Variants in ARHGAP32 observed in about 807,000 individuals in gnomAD.
ARHGAP32 encodes rho GTPase-activating protein 32.
In ARHGAP32, 51 loss-of-function variants were observed where a neutral mutation model predicts 186.5. That is an observed-to-expected ratio of 0.27 (90% confidence interval 0.22 to 0.35). The LOEUF (loss-of-function observed/expected upper bound fraction) is 0.35. ARHGAP32 is among the 10% of genes least tolerant of loss of function. ARHGAP32 has a pLI of 1.00. For synonymous variants in ARHGAP32, 950 were observed against 964.3 expected, an observed-to-expected ratio of 0.99 and a Z score of 0.27; for missense variants, 2,186 against 2,623.5, an observed-to-expected ratio of 0.83 and a Z score of 3.64.
At chr11:129,189,511 C>G (rs893239898) in intron 1 of ARHGAP32, among the ~76,000 whole-genome samples, 2 of 152,014 alleles carry the variant, frequency 1.3e-5, no homozygotes, top group African/African-American at 4.8e-5. Flanking sequence ...CCTTATATTC[C>G]TCCTTCTTAT....
chr11:129,071,033 T>C (rs2135175891), intron 6 of ARHGAP32, among the ~76,000 whole-genome samples: 1 of 152,216 alleles, frequency 6.6e-6, no homozygotes, highest in East Asian at 1.9e-4. Flanking sequence ...AATCAAATTA[T>C]TTGATGGAAC....
chr11:129,201,811 T>G (rs955030398), intron 1 of ARHGAP32, among the ~76,000 whole-genome samples: 2 of 152,030 alleles, frequency 1.3e-5, no homozygotes, highest in African/African-American at 2.4e-5. Flanking sequence ...CAAGACTCCA[T>G]CTCTATAAAA....
At position 128,969,645 on chromosome 11, in the gene ARHGAP32, G is replaced by C; in HGVS notation, c.5568C>G (p.His1856Gln). 6.2e-7 allele frequency: 1 copy of C among 1,614,060 alleles called. No individual in the cohort carries two copies. The highest frequency in any genetic ancestry group is 8.5e-7 in the Non-Finnish European group (1 of 1,180,034). ...PEAEMDRAHH[H>Q]GGHGSTQPEK... is the part of the protein sequence containing the mutation. Reference sequence around the variant, plus strand: ...CCGGCTGCGTGCTACCATGGCCTCCGTGATGGTGGGCTCTGTCCATCTCTG... The same window carrying C: ...CCGGCTGCGTGCTACCATGGCCTCCCTGATGGTGGGCTCTGTCCATCTCTG... The change falls in exon 23 of 23, where the codon CAC becomes CAG. Residue 1856 changes from histidine (H) to glutamine (Q), a missense_variant. Physicochemically the swap from His to Gln is conservative, Grantham distance 24. This residue lies in a region of ARHGAP32 where 1,502 missense variants were observed against 1,570.0 expected (regional missense o/e 0.96). Transcript: ENST00000682385. The surrounding 1 kb of genome is among the most constrained non-coding windows in gnomAD (Gnocchi z 4.8).
At chr11:129,238,176 C>A (rs1944962609) in intron 1 of ARHGAP32, among the ~76,000 whole-genome samples, 1 of 152,140 alleles carries the variant, frequency 6.6e-6, no homozygotes. Flanking sequence ...AATCTGCCAT[C>A]CTAGAGACCA....
At chr11:128,996,799 G>T (rs4609615) in intron 12 of ARHGAP32, among the ~76,000 whole-genome samples, 150,627 of 150,898 alleles carry the variant, frequency 1, 75,178 homozygotes, top group Middle Eastern at 1. Context: ...TTTTTTTTTT[G>T]GAGACAAGGT....
At chr11:129,037,362 C>T (rs1364765455) in intron 11 of ARHGAP32, among the ~76,000 whole-genome samples, 2 of 150,580 alleles carry the variant, frequency 1.3e-5, no homozygotes, top group Non-Finnish European at 2.9e-5. Context: ...GGCACAGTGG[C>T]ACATGCCTGT....
At chr11:129,055,754 T>C (rs1031419789) in intron 10 of ARHGAP32, among the ~76,000 whole-genome samples, 10 of 152,134 alleles carry the variant, frequency 6.6e-5, no homozygotes, top group Admixed American at 6.5e-4. Context: ...TCACAGGTTG[T>C]GAAGGGTTCA....
chr11:129,156,857 T>C (rs767447996), intron 2 of ARHGAP32, among the ~76,000 whole-genome samples: 21 of 152,310 alleles, frequency 1.4e-4, no homozygotes, highest in Non-Finnish European at 2.8e-4. Context: ...GGTGCCCCTC[T>C]GGGACGAAGC....
intron 5 of ARHGAP32, among the ~76,000 whole-genome samples, chr11:129,102,917 T>C (rs1941942735): frequency 6.6e-6 from 1 of 152,200 alleles, no homozygotes; most frequent in Non-Finnish European, 1.5e-5. Flanking sequence ...AAGAGACATT[T>C]GTAAACCCAT....
At chr11:129,110,799 GAATT>G (rs1222098221) in intron 5 of ARHGAP32, among the ~76,000 whole-genome samples, 1 of 152,128 alleles carries the variant, frequency 6.6e-6, no homozygotes, top group Non-Finnish European at 1.5e-5. Context: ...CAAATTCACT[GAATT>G]TATTTATCAG....
intron 5 of ARHGAP32, among the ~76,000 whole-genome samples, chr11:129,108,298 A>C (rs1942106957): frequency 6.6e-6 from 1 of 152,200 alleles, no homozygotes; most frequent in Non-Finnish European, 1.5e-5. Context: ...GAAAATGAAA[A>C]GATGAAAAAC....
At chr11:129,070,622 G>T (rs1940837956) in intron 6 of ARHGAP32, among the ~76,000 whole-genome samples, 1 of 151,974 alleles carries the variant, frequency 6.6e-6, no homozygotes, top group Non-Finnish European at 1.5e-5. Flanking sequence ...TCCTAAAAAT[G>T]TGACATTAGC....
chr11:129,278,872 G>A (rs1467463123), intron 1 of ARHGAP32, among the ~76,000 whole-genome samples: 6 of 150,054 alleles, frequency 4.0e-5, no homozygotes, highest in African/African-American at 1.5e-4. Context: ...CGGCAGGCCA[G>A]AACGCCGTCC....
chr11:129,068,437 T>A (rs1477508049), intron 6 of ARHGAP32, among the ~76,000 whole-genome samples: 1 of 152,082 alleles, frequency 6.6e-6, no homozygotes, highest in Admixed American at 6.6e-5. Context: ...ACCCAAAGCA[T>A]TCCTGGGAAC....
intron 6 of ARHGAP32, among the ~76,000 whole-genome samples, chr11:129,078,599 T>C (rs1418920629): frequency 6.6e-6 from 1 of 152,124 alleles, no homozygotes; most frequent in African/African-American, 2.4e-5. Flanking sequence ...TCCAAGTGAT[T>C]CTCTCACCTC....
At chr11:129,204,528 T>C (rs1350702476) in intron 1 of ARHGAP32, among the ~76,000 whole-genome samples, 2 of 152,208 alleles carry the variant, frequency 1.3e-5, no homozygotes, top group Non-Finnish European at 1.5e-5. Context: ...GAAATAGAAA[T>C]AAATCCAATG....
At chr11:129,268,988 T>C (rs1276293631) in intron 1 of ARHGAP32, among the ~76,000 whole-genome samples, 1 of 152,168 alleles carries the variant, frequency 6.6e-6, no homozygotes, top group Admixed American at 6.5e-5. Context: ...ATTAAACACA[T>C]GGCCGGGCAC....
rs754274181 is a variant in ARHGAP32, at chr11:128,974,895, G to C, written c.2302C>G (p.Leu768Val). 1.2e-5 allele frequency: 19 copies of C among 1,614,040 alleles called. No individual in the cohort carries two copies. In the East Asian group the frequency reaches 4.0e-4, roughly 34 times the overall value. ...TCCTCACTCTCATTGTCATGAGGCA[G>C]ATTATCATAGGAGTTACAGCGGTTC... ...LGNRCNSYDN[L>V]PHDNESEEEG... Residue 768 changes from leucine to valine, a missense_variant, in exon 21 of 23, where the codon CTG (leucine) becomes GTG (valine). By Grantham distance (32) the Leu-to-Val change is conservative (BLOSUM62 1). Around this residue, in one of 5 missense-constraint regions of ARHGAP32, gnomAD observed 263 missense variants for 323.5 expected, o/e 0.81. Coordinates refer to ENST00000682385, the MANE Select transcript of ARHGAP32 (RefSeq NM_001378024.1).
intron 11 of ARHGAP32, among the ~76,000 whole-genome samples, chr11:129,009,899 C>G (rs1048641674): frequency 4.6e-5 from 7 of 152,184 alleles, no homozygotes; most frequent in African/African-American, 1.7e-4. Flanking sequence ...GCCACACTGT[C>G]TTCTGCAATG....
Sources: gnomAD v4.1 joint callset for allele counts (sites outside exome capture counted in the v4.1 genomes callset) on GRCh38, gnomAD v4.1.1 for gene constraint, gnomAD v4.1.1 regional missense constraint, Gnocchi (gnomAD v3.1) non-coding constraint, MANE v1.5 for transcripts, NCBI Gene and HGNC (gene_info 2026-07-23, HGNC 2026-07-21) for gene names.